The following ATP6V1E2 variants were observed in gnomAD, a reference collection of about 807,000 sequenced individuals.
The protein encoded by ATP6V1E2 is ATPase H+ transporting V1 subunit E2.
For synonymous variants in ATP6V1E2, 121 were observed against 104.2 expected, an observed-to-expected ratio of 1.16 and a Z score of -0.98; for missense variants, 308 against 273.3, an observed-to-expected ratio of 1.13 and a Z score of -0.90.
Position 46,512,473 on chromosome 2 carries a change from C to G in ATP6V1E2, c.239G>C (p.Arg80Thr), listed in dbSNP as rs145668576. 2 of 1,614,202 alleles carry G rather than the reference C, an allele frequency of 1.2e-6. No homozygotes were observed. Among genetic ancestry groups the G allele is most frequent in the Middle Eastern group, 1.6e-4 (1 of 6,062 alleles). Residue 80 changes from arginine (R) to threonine (T), a missense_variant, in exon 5 of 5, where the codon AGG becomes ACG. Arg to Thr is a moderately conservative substitution (Grantham distance 71). Coordinates refer to ENST00000522587, the MANE Select transcript of ATP6V1E2 (RefSeq NM_001318063.2). ...ATTTCGGGCTCTCAGGACTTTCAGC[C>G]TCGCCTGATTCCTCATGGTGGACAT... Reference protein sequence around the residue: ...ILMSTMRNQARLKVLRARNDL... With the variant: ...ILMSTMRNQATLKVLRARNDL...
rs1035024687 is a variant in ATP6V1E2, at chr2:46,530,200, G to A, written c.-102+5613C>T. Among the ~76,000 whole-genome samples, 1 of 152,158 alleles carries A rather than the reference G, an allele frequency of 6.6e-6. No homozygotes were observed. The highest frequency in any genetic ancestry group is 1.5e-5 in the Non-Finnish European group (1 of 68,028). The stretch of plus-strand genomic sequence containing the variant: ...AGAGCCCTCTCCTCTTCCAGCCCCA[G>A]GATTCCCTGGTCCCTACAGCATGTG... On this transcript the variant is annotated intron_variant, in intron 4 of 4. Transcript: ENST00000522587. The surrounding 1 kb of genome is among the most constrained non-coding windows in gnomAD (Gnocchi z 5.2).
At chr2:46,525,819 T>G (rs913290774) in intron 4 of ATP6V1E2, among the ~76,000 whole-genome samples, 2 of 152,022 alleles carry the variant, frequency 1.3e-5, no homozygotes, top group African/African-American at 2.4e-5. Flanking sequence ...GCAGACAGCT[T>G]ACTTCAAAGC....
intron 2 of ATP6V1E2, among the ~76,000 whole-genome samples, chr2:46,540,379 C>G (rs1293799580): frequency 6.8e-6 from 1 of 147,106 alleles, no homozygotes; most frequent in African/African-American, 2.5e-5. Flanking sequence ...CAAGATCATG[C>G]CTTTGCACTC....
At chr2:46,525,992 A>C (rs923360510) in intron 4 of ATP6V1E2, among the ~76,000 whole-genome samples, 2 of 152,068 alleles carry the variant, frequency 1.3e-5, no homozygotes, top group African/African-American at 4.8e-5. Context: ...CTAGGATGTC[A>C]TAAGATCTGA....
chr2:46,516,520 G>C (rs927536210), intron 4 of ATP6V1E2, among the ~76,000 whole-genome samples: 9 of 152,138 alleles, frequency 5.9e-5, no homozygotes, highest in Non-Finnish European at 1.2e-4. Context: ...CTTGAACCTG[G>C]TAGTGCGAGG....
At chr2:46,517,590 AG>A (rs1666337707) in intron 4 of ATP6V1E2, among the ~76,000 whole-genome samples, 1 of 152,258 alleles carries the variant, frequency 6.6e-6, no homozygotes, top group Admixed American at 6.5e-5. Flanking sequence ...ATATCTCATA[AG>A]AAGTTAATAT....
In ATP6V1E2 at chr2:46,542,555, G is replaced by C. The variant is rs1335243611; in HGVS notation, c.-712C>G. 6.8e-6 allele frequency: 1 copy of C among 148,128 alleles called. No homozygotes were observed. Among genetic ancestry groups the C allele is most frequent in the Non-Finnish European group, 1.5e-5 (1 of 66,838 alleles). 9.2% of individuals were successfully genotyped at this position (148,128 alleles called of 1,614,324 possible). On this transcript the variant is annotated 5_prime_UTR_variant, in exon 1 of 5. Transcript: ENST00000522587. ...GGGGCTCGGGTGCGCCGGCAGGGCC[G>C]CGCGGCGGCAGCAGGCGGGGGCGCG...
intron 4 of ATP6V1E2, among the ~76,000 whole-genome samples, chr2:46,514,371 G>T (rs1687618883): frequency 6.6e-6 from 1 of 152,174 alleles, no homozygotes; most frequent in Non-Finnish European, 1.5e-5. Context: ...ATCTCTGCCA[G>T]TAAGGTCTGG....
chr2:46,534,097 C>T (rs145743779), intron 4 of ATP6V1E2, among the ~76,000 whole-genome samples: 27 of 152,142 alleles, frequency 1.8e-4, no homozygotes, highest in African/African-American at 5.3e-4. Flanking sequence ...AGCTTCTTGG[C>T]GCTATACGTT....
chr2:46,512,851 G>A, intron 4 of ATP6V1E2, 39 bp from the exon 5 acceptor site: 1 of 721,538 alleles, frequency 1.4e-6, no homozygotes, highest in Non-Finnish European at 2.2e-6. Context: ...GAAAGTCAGA[G>A]GCTATAGAGG....
chr2:46,534,842 C>CA, intron 4 of ATP6V1E2: 1 of 152,314 alleles, frequency 6.6e-6, no homozygotes, highest in East Asian at 1.9e-4. Context: ...AGTTGAAACT[C>CA]AAACATTGCC....
chr2:46,527,197 G>A (rs180876472), intron 4 of ATP6V1E2, among the ~76,000 whole-genome samples: 2 of 152,106 alleles, frequency 1.3e-5, no homozygotes, highest in Admixed American at 1.3e-4. Context: ...GGGACTACAG[G>A]TGCACACCAT....
intron 4 of ATP6V1E2, among the ~76,000 whole-genome samples, chr2:46,515,495 T>G (rs1219248460): frequency 1.3e-5 from 2 of 152,012 alleles, no homozygotes; most frequent in African/African-American, 4.8e-5. Flanking sequence ...AAAATACCTT[T>G]GGAAGTTACA....
intron 4 of ATP6V1E2, among the ~76,000 whole-genome samples, chr2:46,518,758 T>TTGTGTG (rs70940621): frequency 0.054 from 7,590 of 139,884 alleles, 326 homozygotes; most frequent in Admixed American, 0.089. Flanking sequence ...CAAGTCAATT[T>TTGTGTG]TGTGTGTGTG....
intron 3 of ATP6V1E2, among the ~76,000 whole-genome samples, 189 bp downstream of exon 3, chr2:46,536,422 T>G (rs1221907344): frequency 6.6e-6 from 1 of 152,148 alleles, no homozygotes; most frequent in Admixed American, 6.5e-5. Flanking sequence ...GAGGTTTTAG[T>G]GGCAGGGAGA....
Position 46,512,308 on chromosome 2 carries a change from C to T in ATP6V1E2, c.404G>A (p.Arg135His), listed in dbSNP as rs142304043. Residue 135 changes from arginine to histidine, a missense_variant, in exon 5 of 5, where the codon CGC (arginine) becomes CAC (histidine). Transcript: ENST00000522587. ...LRLLEPVMIV[R>H]CRPQDLLLVE... is the part of the protein sequence containing the mutation. ...CAGGAGGAGGTCTTGTGGCCGGCAGCGTACAATCATCACAGGTTCCAGCAG... is the reference window on the plus strand; with the variant it reads ...CAGGAGGAGGTCTTGTGGCCGGCAGTGTACAATCATCACAGGTTCCAGCAG... 3.7e-4 allele frequency: 593 copies of T among 1,611,728 alleles called. 1 individual carries two copies. The highest frequency in any genetic ancestry group is 4.3e-4 in the Non-Finnish European group (503 of 1,178,458).
At chr2:46,536,206 A>G (rs765008675) in intron 3 of ATP6V1E2, among the ~76,000 whole-genome samples, 8 of 152,254 alleles carry the variant, frequency 5.3e-5, no homozygotes, top group Non-Finnish European at 1.0e-4. Context: ...AGGCTGGGCC[A>G]TTCTTCTGAG....
intron 4 of ATP6V1E2, chr2:46,527,740 G>A (rs1361767103): frequency 6.6e-6 from 1 of 152,158 alleles, no homozygotes; most frequent in Non-Finnish European, 1.5e-5. Context: ...ACCCATTGTG[G>A]TATCATTGTG....
intron 4 of ATP6V1E2, chr2:46,519,577 G>T (rs1666498483): frequency 6.6e-6 from 1 of 152,260 alleles, no homozygotes; most frequent in Admixed American, 6.5e-5. Context: ...TCAGATCCTG[G>T]TTCTGCACTT....
Sources: allele counts gnomAD v4.1 joint callset (sites outside exome capture counted in the v4.1 genomes callset), GRCh38; gene constraint gnomAD v4.1.1; non-coding constraint Gnocchi (gnomAD v3.1); transcripts MANE v1.5; gene names NCBI Gene and HGNC (gene_info 2026-07-23, HGNC 2026-07-21).